PDE4D: variants seen among roughly 807,000 people sequenced by gnomAD.
PDE4D encodes 3',5'-cyclic-AMP phosphodiesterase 4D.
PDE4D carries 24 observed loss-of-function variants against 87.4 expected under a neutral mutation model. The ratio of observed to expected loss-of-function variants is 0.27; its 90% CI spans 0.20 to 0.39. PDE4D has a LOEUF of 0.39. Ranked by LOEUF, PDE4D falls within the 10% of genes least tolerant of loss-of-function variation. The probability of loss-of-function intolerance (pLI) is 1.00; values close to 1 mark genes in which losing one functional copy is unlikely to be tolerated. For missense variants in PDE4D, 714 were observed against 1,041.0 expected (o/e 0.69, Z 4.32); for synonymous variants, 384 against 383.2 (o/e 1.00, Z -0.02).
chr5:59,437,932 A>G (rs1797017220), intron 1 of PDE4D, among the ~76,000 whole-genome samples: 1 of 152,170 alleles, frequency 6.6e-6, no homozygotes, highest in African/African-American at 2.4e-5. Flanking sequence ...GAAACTTACA[A>G]TCATGGCAGA....
intron 3 of PDE4D, among the ~76,000 whole-genome samples, chr5:59,919,581 G>A (rs920177268): frequency 6.6e-6 from 1 of 152,118 alleles, no homozygotes; most frequent in African/African-American, 2.4e-5. Context: ...ATCTGACATT[G>A]TTCCATCTAA....
chr5:59,708,225 T>C (rs561069008), intron 1 of PDE4D, among the ~76,000 whole-genome samples: 1 of 152,276 alleles, frequency 6.6e-6, no homozygotes, highest in East Asian at 1.9e-4. Context: ...TTGAGCTTTT[T>C]TTTCATGTTT....
chr5:59,978,914 AT>A (rs111974987), intron 3 of PDE4D, among the ~76,000 whole-genome samples: 6,961 of 147,172 alleles, frequency 0.047, 492 homozygotes, highest in African/African-American at 0.16. Flanking sequence ...GGTTGTTAGC[AT>A]TTTTTTTTTT....
chr5:60,430,733 TGGTGATGACTCTTAA>T (rs1267805462), intron 1 of PDE4D: 1 of 280,606 alleles, frequency 3.6e-6, no homozygotes, highest in Admixed American at 4.9e-5. Flanking sequence ...GATTAGGGAG[TGGTGATGACTCTTAA>T]CGAGCATGCC....
At chr5:59,461,203 A>G (rs1445203717) in intron 1 of PDE4D, among the ~76,000 whole-genome samples, 1 of 152,192 alleles carries the variant, frequency 6.6e-6, no homozygotes, top group Non-Finnish European at 1.5e-5. Context: ...TTTGTTTAAA[A>G]GCATGTTGTA....
chr5:60,467,646 A>C (rs1202268419), intron 1 of PDE4D, among the ~76,000 whole-genome samples: 1 of 152,116 alleles, frequency 6.6e-6, no homozygotes, highest in Non-Finnish European at 1.5e-5. Context: ...CCGTTTTCAC[A>C]CTGCTATAAA....
intron 1 of PDE4D, among the ~76,000 whole-genome samples, chr5:59,837,614 G>T (rs894021591): frequency 6.6e-6 from 1 of 152,024 alleles, no homozygotes; most frequent in Admixed American, 6.6e-5. Context: ...TGTTAAGCAC[G>T]TATTATTTGC....
chr5:60,138,321 A>T (rs1780224558), intron 2 of PDE4D, among the ~76,000 whole-genome samples: 1 of 152,084 alleles, frequency 6.6e-6, no homozygotes, highest in Non-Finnish European at 1.5e-5. Context: ...ACCCCTTGTT[A>T]AAATATTGGG....
At chr5:59,381,137 G>A (rs963057888) in intron 1 of PDE4D, among the ~76,000 whole-genome samples, 3 of 152,008 alleles carry the variant, frequency 2.0e-5, no homozygotes, top group East Asian at 1.9e-4. Context: ...ATCAACCCCC[G>A]GAATACTAGT....
chr5:58,982,394 G>T (rs1745396590), intron 11 of PDE4D, among the ~76,000 whole-genome samples: 2 of 152,158 alleles, frequency 1.3e-5, no homozygotes, highest in Non-Finnish European at 2.9e-5. Flanking sequence ...AGGGAATATG[G>T]TAAGACTAGG....
intron 1 of PDE4D, among the ~76,000 whole-genome samples, chr5:59,548,057 A>G (rs1817562644): frequency 6.6e-6 from 1 of 152,208 alleles, no homozygotes; most frequent in Non-Finnish European, 1.5e-5. Context: ...AAAGAGAAAG[A>G]CAGAGACAAA....
intron 5 of PDE4D, among the ~76,000 whole-genome samples, chr5:59,131,952 G>A (rs930726645): frequency 3.3e-5 from 5 of 152,036 alleles, no homozygotes; most frequent in African/African-American, 9.6e-5. Context: ...GTTTCTAGTC[G>A]CGTATGGCTC....
At chr5:60,343,910 T>C (rs562139859) in intron 1 of PDE4D, among the ~76,000 whole-genome samples, 1 of 152,238 alleles carries the variant, frequency 6.6e-6, no homozygotes, top group African/African-American at 2.4e-5. Context: ...TTTCAGCTCT[T>C]CCCTCAGCTG....
At chr5:60,498,073 T>C (rs545349789) in intron 1 of PDE4D, among the ~76,000 whole-genome samples, 1 of 152,248 alleles carries the variant, frequency 6.6e-6, no homozygotes, top group South Asian at 2.1e-4. Flanking sequence ...ACTTAAATCT[T>C]GTTCTTCTGC....
intron 1 of PDE4D, among the ~76,000 whole-genome samples, chr5:60,228,716 AAAAAAAC>A (rs1249188554): frequency 8.5e-5 from 13 of 152,184 alleles, no homozygotes; most frequent in South Asian, 8.3e-4. Context: ...TAAACTACCA[AAAAAAAC>A]AAAAAACAAA....
intron 1 of PDE4D, among the ~76,000 whole-genome samples, chr5:59,608,021 T>C (rs962111570): frequency 1.3e-5 from 2 of 152,170 alleles, no homozygotes; most frequent in African/African-American, 4.8e-5. Flanking sequence ...TAAACCTCTC[T>C]ACTTGTGCTC....
At position 59,284,327 on chromosome 5, in the gene PDE4D, AT is replaced by A. The variant is rs752980202; in HGVS notation, c.456-68360del. 3.9e-4 allele frequency among the ~76,000 whole-genome samples: 60 copies of A among 152,274 alleles called. 1 individual carries two copies. Among genetic ancestry groups the A allele is most frequent in the Non-Finnish European group, 8.8e-5 (6 of 68,008 alleles). On this transcript the variant is annotated intron_variant, in intron 1 of 14. Coordinates refer to ENST00000340635, the MANE Select transcript of PDE4D (RefSeq NM_001104631.2). ...TCCTACTGGAAAGGATTGTTTTACC[AT>A]TCTTGGTAGAGCACAAGGCATTATG...
chr5:60,343,019 A>T (rs1055623230), intron 1 of PDE4D, among the ~76,000 whole-genome samples: 1 of 152,238 alleles, frequency 6.6e-6, no homozygotes, highest in African/African-American at 2.4e-5. Context: ...CAAAAAAATT[A>T]AATATGTATT....
intron 5 of PDE4D, among the ~76,000 whole-genome samples, chr5:59,080,020 C>A (rs1290745839): frequency 1.3e-5 from 2 of 152,082 alleles, no homozygotes; most frequent in Non-Finnish European, 2.9e-5. Flanking sequence ...CAGCTGAAGA[C>A]ATGACACATA....
Sources: allele counts gnomAD v4.1 joint callset (sites outside exome capture counted in the v4.1 genomes callset), GRCh38; gene constraint gnomAD v4.1.1; transcripts MANE v1.5; gene names NCBI Gene and HGNC (gene_info 2026-07-23, HGNC 2026-07-21).